TDP1: variants seen among roughly 807,000 people sequenced by gnomAD.
TDP1 encodes the protein tyr-DNA phosphodiesterase 1.
A neutral mutation model predicts 81.5 loss-of-function variants in TDP1; 64 were observed. The observed-to-expected ratio is 0.79, with a 90% CI of 0.64 to 0.97. The LOEUF (loss-of-function observed/expected upper bound fraction) is 0.97, where lower values mean the gene tolerates loss of function less well. Among genes scored for constraint, TDP1 ranks in the 50% least tolerant of loss-of-function variants. The probability of loss-of-function intolerance (pLI) is 0.00; values close to 1 mark genes in which losing one functional copy is unlikely to be tolerated. For missense variants in TDP1, 723 were observed against 743.8 expected, an observed-to-expected ratio of 0.97 and a Z score of 0.33; for synonymous variants, 256 against 264.3, an observed-to-expected ratio of 0.97 and a Z score of 0.30.
chr14:90,036,924 CT>C (rs2140337993), intron 16 of TDP1, among the ~76,000 whole-genome samples: 1 of 152,178 alleles, frequency 6.6e-6, no homozygotes, highest in African/African-American at 2.4e-5. Context: ...ATACTCCCAC[CT>C]CAGCCTCCTG....
At chr14:90,018,921 A>G (rs961597558) in intron 14 of TDP1, 28 of 954,996 alleles carry the variant, frequency 2.9e-5, no homozygotes, top group Non-Finnish European at 3.1e-5. Flanking sequence ...GAAGCTTAAG[A>G]TACTACTACA....
At position 89,963,630 on chromosome 14, in the gene TDP1, T is replaced by A; in HGVS notation, c.516T>A (p.Ser172=). The change falls in exon 3 of 17, where the codon TCT becomes TCA. Residue 172 remains serine, a synonymous_variant. Coordinates refer to ENST00000335725, the MANE Select transcript of TDP1 (RefSeq NM_018319.4). ...NPFQFYLTRV[S]GVKPKYNSGA... is the part of the protein sequence containing the mutation. ...TCCAGTTTTACCTCACTAGAGTCTC[T>A]GGAGTTAAGCCAAAGTATAACTCTG... The A allele has an allele frequency of 6.2e-7, 1 of 1,614,112 alleles. No individual in the cohort carries two copies. The highest frequency in any genetic ancestry group is 8.5e-7 in the Non-Finnish European group (1 of 1,179,986).
intron 10 of TDP1, 40 bp from the exon 11 acceptor site, chr14:89,988,865 T>A (rs1176900801): frequency 6.2e-7 from 1 of 1,613,584 alleles, no homozygotes; most frequent in Admixed American, 1.7e-5. Context: ...CTGTTAAGAT[T>A]ATTTGAGTCA....
chr14:89,970,770 TAAGG>T, intron 5 of TDP1: 1 of 952,928 alleles, frequency 1.0e-6, no homozygotes, highest in Non-Finnish European at 1.2e-6. Flanking sequence ...TATCGAGTGA[TAAGG>T]AAGCTAGCAT....
chr14:89,986,290 T>C (rs139876428), intron 10 of TDP1, among the ~76,000 whole-genome samples: 10 of 152,360 alleles, frequency 6.6e-5, no homozygotes, highest in East Asian at 1.9e-4. Flanking sequence ...TGCTTTGTTA[T>C]CTACAAGCCG....
intron 6 of TDP1, among the ~76,000 whole-genome samples, chr14:89,974,725 A>C (rs1894072880): frequency 6.6e-6 from 1 of 152,200 alleles, no homozygotes; most frequent in Non-Finnish European, 1.5e-5. Context: ...CGTTTTAAAG[A>C]GGAGAAAGCT....
At chr14:90,009,768 G>A (rs537908752) in intron 14 of TDP1, among the ~76,000 whole-genome samples, 3 of 152,306 alleles carry the variant, frequency 2.0e-5, no homozygotes, top group Non-Finnish European at 4.4e-5. Context: ...TAAAAGCAGG[G>A]TAAGACTGTG....
chr14:89,989,005 G>A lies in TDP1; in HGVS notation c.1232G>A (p.Trp411Ter). The A allele has an allele frequency of 6.2e-7, 1 of 1,614,134 alleles. No individual in the cohort carries two copies. ...TCCTTGGGAGCCGATGAATCAAAGT[G>A]GTTATGTTCTGAGTTTAAAGAGAGC... ...VGSLGADESK[W>*]LCSEFKESML... The change falls in exon 11 of 17, where the codon TGG (tryptophan) becomes TAG (stop). Residue 411 changes from tryptophan (W) to a stop codon, truncating the protein, a stop_gained. Coordinates refer to ENST00000335725, the MANE Select transcript of TDP1 (RefSeq NM_018319.4). LOFTEE classifies it high-confidence loss of function.
At position 89,985,288 on chromosome 14, in the gene TDP1, G is replaced by C. The variant is rs981632195; in HGVS notation, c.1131+78G>C. The C allele has an allele frequency of 1.5e-5, 12 of 818,372 alleles. No homozygotes were observed. The African/African-American group carries it at 1.7e-4, about 12-fold the overall frequency. 50.7% of individuals were successfully genotyped at this position (818,372 alleles called of 1,614,324 possible). On this transcript the variant is annotated intron_variant, in intron 10 of 16. Transcript: ENST00000335725. The stretch of plus-strand genomic sequence containing the variant: ...CTCTTTTAAAATAATTATATATTTT[G>C]ATGCAGCTTCACAATATTTCTGCAC...
intron 16 of TDP1, among the ~76,000 whole-genome samples, chr14:90,035,461 C>CA (rs754856885): frequency 0.052 from 7,018 of 135,848 alleles, 445 homozygotes; most frequent in African/African-American, 0.16. Flanking sequence ...TACCTGCCAC[C>CA]AAAAAAAAAA....
At chr14:90,005,562 T>A (rs184502515) in intron 14 of TDP1, among the ~76,000 whole-genome samples, 4 of 152,340 alleles carry the variant, frequency 2.6e-5, no homozygotes, top group Admixed American at 2.6e-4. Context: ...ATTATTTCAT[T>A]CATTCCTCAT....
intron 10 of TDP1, 149 bp from the exon 11 acceptor site, chr14:89,988,756 T>C (rs1368529836): frequency 2.7e-6 from 4 of 1,497,878 alleles, no homozygotes; most frequent in Non-Finnish European, 3.5e-6. Flanking sequence ...AGAAGAAGTA[T>C]GTATGTGTGG....
intron 15 of TDP1, 25 bp from the exon 16 acceptor site, chr14:90,033,081 A>G (rs35785875): frequency 1.3e-6 from 2 of 1,496,824 alleles, no homozygotes; most frequent in Non-Finnish European, 1.9e-6. Flanking sequence ...GGGTGCAATC[A>G]TAGATTTCCT....
intron 13 of TDP1, chr14:89,993,140 G>A (rs1057414549): frequency 1.0e-6 from 1 of 984,316 alleles, no homozygotes; most frequent in African/African-American, 1.7e-5. Flanking sequence ...TGGCAAAAAT[G>A]GAAAGGCTAT....
In TDP1 at chr14:89,963,553, A is replaced by G. The variant is rs758613414; in HGVS notation, c.439A>G (p.Thr147Ala). 1 of 1,611,258 alleles carries G rather than the reference A, an allele frequency of 6.2e-7. No individual in the cohort carries two copies. Among genetic ancestry groups the G allele is most frequent in the East Asian group, 2.2e-5 (1 of 44,840 alleles). The change falls in exon 3 of 17, where the codon ACA becomes GCA. Residue 147 changes from threonine to alanine, a missense_variant. By Grantham distance (58) the Thr-to-Ala change is moderately conservative. Transcript: ENST00000335725. ...RLKEEEDEYE[T>A]SGEGQDIWDM... Reference sequence around the variant, plus strand: ...CAAAGAGGAGGAAGACGAGTATGAGACATCAGGGGAGGGCCAGGACATTTG... The same window carrying G: ...CAAAGAGGAGGAAGACGAGTATGAGGCATCAGGGGAGGGCCAGGACATTTG...
In TDP1 at chr14:90,001,914, T is replaced by C. The variant is rs550952825; in HGVS notation, c.1541+8431T>C. On this transcript the variant is annotated intron_variant, in intron 14 of 16. Coordinates refer to ENST00000335725, the MANE Select transcript of TDP1 (RefSeq NM_018319.4). The stretch of plus-strand genomic sequence containing the variant: ...GTAGGCATCGACCTGGTTGCTTCTT[T>C]ATGGGTCTCTTTGCTTCCCTGTGTC... 1.2e-4 allele frequency among the ~76,000 whole-genome samples: 18 copies of C among 152,296 alleles called. No homozygotes were observed. In the East Asian group the frequency reaches 1.5e-3, roughly 13 times the overall value.
rs1328756713 is a variant in TDP1, at chr14:89,984,611, T to C, written c.980T>C (p.Leu327Ser). 5 of 1,614,044 alleles carry C rather than the reference T, an allele frequency of 3.1e-6. No individual in the cohort carries two copies. The highest frequency in any genetic ancestry group is 4.2e-6 in the Non-Finnish European group (5 of 1,180,032). The change falls in exon 9 of 17, where the codon TTG becomes TCG. Residue 327 changes from leucine (L) to serine (S), a missense_variant. Transcript: ENST00000335725. ...THFKADLISY[L>S]MAYNAPSLKE... Reference sequence around the variant, plus strand: ...TTTAAAGCTGATCTCATCAGTTACTTGATGGCTTATAATGCCCCTTCTCTC... The same window carrying C: ...TTTAAAGCTGATCTCATCAGTTACTCGATGGCTTATAATGCCCCTTCTCTC...
At chr14:89,993,648 C>G (rs1186449209) in intron 14 of TDP1, among the ~76,000 whole-genome samples, 165 bp downstream of exon 14, 5 of 152,114 alleles carry the variant, frequency 3.3e-5, no homozygotes, top group Admixed American at 2.6e-4. Flanking sequence ...TGACTAATCC[C>G]TTTGTAAAGT....
chr14:90,034,726 T>C (rs778683396), intron 16 of TDP1, among the ~76,000 whole-genome samples: 8 of 152,262 alleles, frequency 5.3e-5, no homozygotes, highest in Non-Finnish European at 1.0e-4. Flanking sequence ...TGCAGGTTTC[T>C]GAGCCAGTGT....
Sources: allele counts gnomAD v4.1 joint callset (sites outside exome capture counted in the v4.1 genomes callset), GRCh38; gene constraint gnomAD v4.1.1; transcripts MANE v1.5; gene names NCBI Gene and HGNC (gene_info 2026-07-23, HGNC 2026-07-21).